The following TRANK1 variants were observed in gnomAD, a reference collection of about 807,000 sequenced individuals.
TRANK1 encodes the protein TPR and ankyrin repeat-containing protein 1.
Under a neutral mutation model 266.0 loss-of-function variants are expected in TRANK1, and 198 were observed. The ratio of observed to expected loss-of-function variants is 0.74; its 90% CI spans 0.66 to 0.84. The LOEUF is 0.84. Ranked by LOEUF, TRANK1 falls within the 40% of genes least tolerant of loss-of-function variation. The pLI, the probability that TRANK1 is intolerant of heterozygous loss-of-function variation, is 0.00. For missense variants in TRANK1, 3,326 were observed against 3,634.6 expected, an observed-to-expected ratio of 0.92 and a Z score of 2.18; for synonymous variants, 1,396 against 1,384.1, an observed-to-expected ratio of 1.01 and a Z score of -0.19.
chr3:36,857,163 C>G lies in TRANK1; in HGVS notation c.2559G>C (p.Lys853Asn). ...CAAGGATGATTTTCTTCTTGATGAC[C>G]TTGGTCATTACCTTACTAGACAGCT... The part of the protein sequence containing the change: ...LKKLSSKVMT[K>N]VIKKKIILAI... Residue 853 changes from lysine to asparagine, a missense_variant, in exon 13 of 24, where the codon AAG becomes AAC. Coordinates refer to ENST00000645898, the MANE Select transcript of TRANK1 (RefSeq NM_001329998.2). The surrounding 1 kb of genome is among the most constrained non-coding windows in gnomAD (Gnocchi z 4.3). 6.2e-7 allele frequency: 1 copy of G among 1,613,978 alleles called. No homozygotes were observed. The highest frequency in any genetic ancestry group is 1.1e-5 in the South Asian group (1 of 91,088).
At chr3:36,865,152 C>T (rs1207957230) in intron 9 of TRANK1, among the ~76,000 whole-genome samples, 5 of 151,554 alleles carry the variant, frequency 3.3e-5, no homozygotes, top group African/African-American at 7.3e-5. Context: ...CTCTGCCTCC[C>T]GAGTAGCTGG....
rs1276578011 is a variant in TRANK1, at chr3:36,892,921, A to G, written c.616T>C (p.Ser206Pro). 2 of 1,495,510 alleles carry G rather than the reference A, an allele frequency of 1.3e-6. No individual in the cohort carries two copies. The highest frequency in any genetic ancestry group is 1.4e-5 in the African/African-American group (1 of 71,090). The allele number at this position is 1,495,510 out of a possible 1,614,324, so 92.6% of individuals were successfully genotyped here. A position where few individuals can be genotyped will look rare whatever the true frequency, so the allele number is the denominator to read the frequency against. Reference protein sequence around the residue: ...LPRNIHVPELSLKSLFEKYVF... With the variant: ...LPRNIHVPELPLKSLFEKYVF... Reference sequence around the variant, plus strand: ...CTTACCTCAAAGAGACTTTTCAGTGATAACTCTGGGACATGAATATTTCTT... The same window carrying G: ...CTTACCTCAAAGAGACTTTTCAGTGGTAACTCTGGGACATGAATATTTCTT... The change falls in exon 6 of 24, where the codon TCA (serine) becomes CCA (proline). Residue 206 changes from serine to proline, a missense_variant. Transcript: ENST00000645898.
intron 10 of TRANK1, among the ~76,000 whole-genome samples, chr3:36,862,344 C>CTTAAAATGAATATTCATTTTAATAT (rs2079153950): frequency 2.6e-5 from 4 of 151,834 alleles, no homozygotes; most frequent in African/African-American, 9.7e-5. Context: ...TCCAAGTTTT[C>CTTAAAATGAATATTCATTTTAATAT]TTAAAATGAA....
chr3:36,854,374 AAAAG>A (rs758349434), intron 13 of TRANK1, among the ~76,000 whole-genome samples: 20 of 149,956 alleles, frequency 1.3e-4, no homozygotes, highest in East Asian at 7.7e-4. Flanking sequence ...AAACAAAAAA[AAAAG>A]AAAGAAAGAA....
chr3:36,887,293 G>A (rs2079621435), intron 8 of TRANK1, among the ~76,000 whole-genome samples: 1 of 152,124 alleles, frequency 6.6e-6, no homozygotes, highest in Admixed American at 6.5e-5. Flanking sequence ...TTAATGTCCA[G>A]AAATGTTGCA....
At chr3:36,855,143 C>G (rs371456469) in intron 13 of TRANK1, 30 bp downstream of exon 13, 3 of 1,574,096 alleles carry the variant, frequency 1.9e-6, no homozygotes, top group Non-Finnish European at 2.6e-6. Context: ...CTAAGCACCC[C>G]CAGTAGGCAA....
intron 1 of TRANK1, among the ~76,000 whole-genome samples, chr3:36,941,153 T>TTG (rs1371424724): frequency 3.3e-5 from 5 of 152,224 alleles, no homozygotes; most frequent in African/African-American, 1.2e-4. Flanking sequence ...ATTTTATGTG[T>TTG]TGTGCACTAC....
chr3:36,846,316 C>T lies in TRANK1; in HGVS notation c.5123G>A (p.Arg1708Gln), dbSNP rs765832543. 19 of 1,613,370 alleles carry T rather than the reference C, an allele frequency of 1.2e-5. No homozygotes were observed. The highest frequency in any genetic ancestry group is 2.2e-5 in the East Asian group (1 of 44,884). Residue 1708 changes from arginine (R) to glutamine (Q), a missense_variant, in exon 17 of 24, where the codon CGG becomes CAG. Coordinates refer to ENST00000645898, the MANE Select transcript of TRANK1 (RefSeq NM_001329998.2). ...LWIFDENREK[R>Q]APAFKYFIRR... is the part of the protein sequence containing the mutation. ...AATGAAATATTTGAATGCGGGAGCC[C>T]GTTTCTCTCGGTTTTCATCAAAGAT...
intron 2 of TRANK1, 122 bp from the exon 3 acceptor site, chr3:36,903,397 T>G: frequency 8.1e-7 from 1 of 1,236,034 alleles, no homozygotes; most frequent in Non-Finnish European, 1.1e-6. Context: ...AATGACTCAT[T>G]CATGCTTATC....
At chr3:36,928,299 G>A (rs890227715) in intron 1 of TRANK1, among the ~76,000 whole-genome samples, 2 of 152,140 alleles carry the variant, frequency 1.3e-5, no homozygotes, top group African/African-American at 4.8e-5. Context: ...AGGGAATGGG[G>A]AAAAAGTCTT....
At chr3:36,942,103 C>A (rs540116193) in intron 1 of TRANK1, among the ~76,000 whole-genome samples, 1 of 152,202 alleles carries the variant, frequency 6.6e-6, no homozygotes, top group Non-Finnish European at 1.5e-5. Flanking sequence ...CTAAAATAAT[C>A]TTCATCCCCA....
In TRANK1 at chr3:36,847,279, C is replaced by A. The variant is rs200622405; in HGVS notation, c.4955G>T (p.Arg1652Leu). 1.2e-6 allele frequency: 2 copies of A among 1,613,568 alleles called. No homozygotes were observed. The highest frequency in any genetic ancestry group is 1.7e-6 in the Non-Finnish European group (2 of 1,179,742). Residue 1652 changes from arginine (R) to leucine (L), a missense_variant, in exon 16 of 24, where the codon CGG becomes CTG. Physicochemically the swap from Arg to Leu is moderately radical, Grantham distance 102. Transcript: ENST00000645898. ...PTSTDSREEN[R>L]PLVEVPLDKP... is the part of the protein sequence containing the mutation. ...GTCCAGGGGTACTTCAACCAATGGC[C>A]GGTTTTCCTCTCTGGAGTCAGTTGA... is the stretch of plus-strand genomic sequence containing the variant.
chr3:36,891,296 C>T (rs947882731), intron 7 of TRANK1, among the ~76,000 whole-genome samples: 3 of 152,122 alleles, frequency 2.0e-5, no homozygotes, highest in African/African-American at 2.4e-5. Context: ...GCCAATATCA[C>T]GTCACTGCAC....
chr3:36,848,862 A>T lies in TRANK1; in HGVS notation c.4888-1516T>A, dbSNP rs1002810732. 2.6e-5 allele frequency among the ~76,000 whole-genome samples: 4 copies of T among 152,212 alleles called. No individual in the cohort carries two copies. In the East Asian group the frequency reaches 7.7e-4, roughly 29 times the overall value. On this transcript the variant is annotated intron_variant, in intron 15 of 23. Coordinates refer to ENST00000645898, the MANE Select transcript of TRANK1 (RefSeq NM_001329998.2). ...GGATCCTCCTGGCAGGTAGCATGAG[A>T]TACGGACTGGCTAATATTGAAAGGG...
rs2080003417 is a variant in TRANK1 at position 36,908,337 on chromosome 3, C to T, written c.141G>A (p.Gln47=). 4.1e-6 allele frequency: 5 copies of T among 1,232,112 alleles called. No homozygotes were observed. Among genetic ancestry groups the T allele is most frequent in the Non-Finnish European group, 4.0e-6 (4 of 987,994 alleles). The allele number at this position is 1,232,112 out of a possible 1,614,324, so 76.3% of individuals were successfully genotyped here. A position where few individuals can be genotyped will look rare whatever the true frequency, so the allele number is the denominator to read the frequency against. ...CAAACACTTACCCCCACTGGTATAA[C>T]TGCAGGAGAATCTGGATGGCTTCAT... is the stretch of plus-strand genomic sequence containing the variant. ...KYDEAIQILL[Q]LYQWGVPPRD... Residue 47 remains glutamine, a synonymous_variant, in exon 2 of 24, where the codon CAG becomes CAA. Coordinates refer to ENST00000645898, the MANE Select transcript of TRANK1 (RefSeq NM_001329998.2).
chr3:36,925,928 T>G (rs183651860), intron 1 of TRANK1, among the ~76,000 whole-genome samples: 95 of 152,328 alleles, frequency 6.2e-4, no homozygotes, highest in Admixed American at 1.5e-3. Context: ...TCAGTTCTAC[T>G]GCAGGCTCTC....
chr3:36,915,998 G>A (rs1426454747), intron 1 of TRANK1, among the ~76,000 whole-genome samples: 1 of 152,204 alleles, frequency 6.6e-6, no homozygotes, highest in East Asian at 1.9e-4. Context: ...AAGGCCATCA[G>A]AGGGTCTTGG....
Position 36,835,318 on chromosome 3 carries a change from C to CAAAAA in TRANK1, c.5518-416_5518-412dup, listed in dbSNP as rs33954737. 2.2e-4 allele frequency among the ~76,000 whole-genome samples: 15 copies of CAAAAA among 67,840 alleles called. 1 individual carries two copies. The highest frequency in any genetic ancestry group is 7.1e-4 in the African/African-American group (13 of 18,224). 44.5% of individuals were successfully genotyped at this position (67,840 alleles called of 152,430 possible). A position where few individuals can be genotyped will look rare whatever the true frequency, so the allele number is the denominator to read the frequency against. ...TGGGCGACAGAGCGAGACTCCGTCT[C>CAAAAA]AAAAAAAAAAAAAAAAAAAAAAAAA... On this transcript the variant is annotated intron_variant, in intron 20 of 23. Transcript: ENST00000645898.
chr3:36,885,772 T>C (rs2079593647), intron 8 of TRANK1, among the ~76,000 whole-genome samples: 1 of 151,710 alleles, frequency 6.6e-6, no homozygotes. Context: ...ACTCCTGGGT[T>C]CAAGTGATCC....
Sources: allele counts gnomAD v4.1 joint callset (sites outside exome capture counted in the v4.1 genomes callset), GRCh38; gene constraint gnomAD v4.1.1; non-coding constraint Gnocchi (gnomAD v3.1); transcripts MANE v1.5; gene names NCBI Gene and HGNC (gene_info 2026-07-23, HGNC 2026-07-21).